Variants in SUPT3H observed in about 807,000 individuals in gnomAD.
The protein encoded by SUPT3H is SPT3 homolog, SAGA and STAGA complex component.
A neutral mutation model predicts 44.3 loss-of-function variants in SUPT3H; 44 were observed. The ratio of observed to expected loss-of-function variants is 0.99; its 90% confidence interval spans 0.78 to 1.28. SUPT3H has a LOEUF of 1.28. Among genes scored for constraint, SUPT3H ranks in the 50% most tolerant of loss-of-function variants. The probability of loss-of-function intolerance (pLI) is 0.00; values close to 1 mark genes in which losing one functional copy is unlikely to be tolerated. For synonymous variants in SUPT3H, 124 were observed against 125.6 expected (o/e 0.99, Z 0.09); for missense variants, 380 against 387.1 (o/e 0.98, Z 0.15).
chr6:45,315,262 C>T (rs1784511743), intron 2 of SUPT3H, among the ~76,000 whole-genome samples: 1 of 151,550 alleles, frequency 6.6e-6, no homozygotes, highest in Non-Finnish European at 1.5e-5. Context: ...AAAGCAATTG[C>T]AATAAAAACA....
chr6:45,316,887 T>C (rs772280859), intron 2 of SUPT3H, among the ~76,000 whole-genome samples: 68 of 151,948 alleles, frequency 4.5e-4, no homozygotes, highest in Non-Finnish European at 7.2e-4. Context: ...GAAGACACAA[T>C]TAAATGGAAA....
intron 10 of SUPT3H, among the ~76,000 whole-genome samples, chr6:44,872,329 G>A (rs1305123962): frequency 1.2e-5 from 1 of 82,098 alleles, no homozygotes; most frequent in African/African-American, 4.8e-5. Flanking sequence ...CCAGAAGAGA[G>A]TGGGGGCCAA....
chr6:45,208,710 C>T (rs1206527508), intron 2 of SUPT3H, among the ~76,000 whole-genome samples: 1 of 131,700 alleles, frequency 7.6e-6, no homozygotes, highest in Admixed American at 8.3e-5. Flanking sequence ...GGCAACACAG[C>T]AAGACTCTGT....
At chr6:44,897,481 A>C (rs912115235) in intron 10 of SUPT3H, among the ~76,000 whole-genome samples, 2 of 152,218 alleles carry the variant, frequency 1.3e-5, no homozygotes, top group Admixed American at 6.5e-5. Context: ...AATATAGCCT[A>C]ATCTTCAGCA....
intron 4 of SUPT3H, among the ~76,000 whole-genome samples, chr6:45,015,808 C>A (rs75969975): frequency 0.12 from 18,160 of 151,692 alleles, 1,413 homozygotes; most frequent in East Asian, 0.27. Context: ...CACACACACA[C>A]ACACACACAC....
intron 2 of SUPT3H, among the ~76,000 whole-genome samples, chr6:45,247,106 A>T (rs1439283474): frequency 6.6e-6 from 1 of 152,250 alleles, no homozygotes; most frequent in African/African-American, 2.4e-5. Flanking sequence ...TGCTAAAAGG[A>T]TAATAAAGGA....
chr6:45,058,613 T>A (rs1054905549), intron 3 of SUPT3H, among the ~76,000 whole-genome samples: 1 of 152,070 alleles, frequency 6.6e-6, no homozygotes, highest in Non-Finnish European at 1.5e-5. Flanking sequence ...ACATACTGGT[T>A]TTAAGATTCC....
chr6:44,814,921 C>A (rs1766806378), intron 11 of SUPT3H, among the ~76,000 whole-genome samples: 1 of 152,148 alleles, frequency 6.6e-6, no homozygotes, highest in South Asian at 2.1e-4. Flanking sequence ...AAGTGATACA[C>A]CTGCCTTGGC....
chr6:44,974,229 A>G (rs995079219), intron 6 of SUPT3H, among the ~76,000 whole-genome samples: 2 of 152,034 alleles, frequency 1.3e-5, no homozygotes, highest in Non-Finnish European at 1.5e-5. Flanking sequence ...GTGTATATAT[A>G]TATTCATATA....
chr6:44,999,340 A>G (rs1302748171), intron 6 of SUPT3H, among the ~76,000 whole-genome samples: 2 of 151,982 alleles, frequency 1.3e-5, no homozygotes, highest in Non-Finnish European at 2.9e-5. Flanking sequence ...CCTAGGCTCA[A>G]ATGACTCAGT....
chr6:45,033,725 AGG>A (rs1431267063), intron 3 of SUPT3H, among the ~76,000 whole-genome samples: 1 of 152,164 alleles, frequency 6.6e-6, no homozygotes, highest in Non-Finnish European at 1.5e-5. Context: ...GACTATATTA[AGG>A]TTATGGATTT....
At chr6:44,944,269 C>T (rs918676579) in intron 9 of SUPT3H, among the ~76,000 whole-genome samples, 1 of 150,780 alleles carries the variant, frequency 6.6e-6, no homozygotes, top group Non-Finnish European at 1.5e-5. Context: ...AAAAAGGATG[C>T]AAAAAGATAT....
At chr6:45,111,181 C>T (rs892990849) in intron 2 of SUPT3H, among the ~76,000 whole-genome samples, 3 of 151,636 alleles carry the variant, frequency 2.0e-5, no homozygotes, top group African/African-American at 4.8e-5. Context: ...TACAGGCGCC[C>T]GCCACCATGC....
At chr6:45,069,355 G>A (rs971370791) in intron 3 of SUPT3H, among the ~76,000 whole-genome samples, 7 of 152,078 alleles carry the variant, frequency 4.6e-5, no homozygotes, top group African/African-American at 1.7e-4. Flanking sequence ...TGTTAGACAG[G>A]GAGGACACAA....
chr6:44,928,882 C>CAAA lies in SUPT3H; in HGVS notation c.912+3768_912+3770dup, dbSNP rs35656937. 7.0e-3 allele frequency among the ~76,000 whole-genome samples: 137 copies of CAAA among 19,492 alleles called. 2 individuals are homozygous for CAAA. Among genetic ancestry groups the CAAA allele is most frequent in the Non-Finnish European group, 8.1e-3 (101 of 12,450 alleles). The allele number at this position is 19,492 out of a possible 152,430, so 12.8% of individuals were successfully genotyped here. A position where few individuals can be genotyped will look rare whatever the true frequency, so the allele number is the denominator to read the frequency against. On this transcript the variant is annotated intron_variant, in intron 10 of 10. Coordinates refer to ENST00000371459, the MANE Select transcript of SUPT3H (RefSeq NM_003599.4). The stretch of plus-strand genomic sequence containing the variant: ...TGGGCGACAGAACGAGACTCCGTCT[C>CAAA]AAAAAAAAAAAAAAAAAAAAAAGAA...
At chr6:44,835,298 C>T (rs771783818) in intron 10 of SUPT3H, among the ~76,000 whole-genome samples, 3 of 152,106 alleles carry the variant, frequency 2.0e-5, no homozygotes, top group African/African-American at 4.8e-5. Context: ...TTGGAGCATA[C>T]ATTCACCCTC....
chr6:45,370,815 C>T (rs915823396), intron 1 of SUPT3H, among the ~76,000 whole-genome samples: 2 of 152,098 alleles, frequency 1.3e-5, no homozygotes, highest in Non-Finnish European at 2.9e-5. Context: ...TAGACTGCTC[C>T]GAGACACAGG....
At chr6:44,859,277 C>T (rs1384396624) in intron 10 of SUPT3H, among the ~76,000 whole-genome samples, 1 of 152,156 alleles carries the variant, frequency 6.6e-6, no homozygotes, top group Non-Finnish European at 1.5e-5. Flanking sequence ...AAGGCAAATG[C>T]TCACAGAAGG....
intron 3 of SUPT3H, among the ~76,000 whole-genome samples, chr6:45,048,151 G>A (rs1789698898): frequency 6.7e-6 from 1 of 149,288 alleles, no homozygotes; most frequent in Non-Finnish European, 1.5e-5. Context: ...TATAGATTCT[G>A]AATATTAATC....
Sources: gnomAD v4.1 joint callset for allele counts (sites outside exome capture counted in the v4.1 genomes callset) on GRCh38, gnomAD v4.1.1 for gene constraint, MANE v1.5 for transcripts, NCBI Gene and HGNC (gene_info 2026-07-23, HGNC 2026-07-21) for gene names.